The following DIP2C variants were observed in gnomAD, a reference collection of about 807,000 sequenced individuals.
The protein encoded by DIP2C is disco-interacting protein 2 homolog C.
DIP2C carries 33 observed loss-of-function variants against 192.4 expected under a neutral mutation model. That is an observed-to-expected ratio of 0.17 (90% CI 0.13 to 0.23). The LOEUF is 0.23. Ranked by LOEUF, DIP2C falls within the 10% of genes least tolerant of loss-of-function variation. The pLI is 1.00. For missense variants in DIP2C, 1,537 were observed against 2,110.1 expected (o/e 0.73, Z 5.32); for synonymous variants, 979 against 864.1 (o/e 1.13, Z -2.33).
chr10:362,273 C>T (rs1959631980), intron 22 of DIP2C, among the ~76,000 whole-genome samples: 2 of 152,182 alleles, frequency 1.3e-5, no homozygotes. Context: ...ACCACACTAA[C>T]ACCCCTGAGC....
intron 1 of DIP2C, among the ~76,000 whole-genome samples, chr10:584,160 TAA>T (rs902516600): frequency 6.6e-6 from 1 of 151,972 alleles, no homozygotes; most frequent in East Asian, 1.9e-4. Flanking sequence ...CCCACATAAC[TAA>T]AAACAAAACA....
At position 634,442 on chromosome 10, in the gene DIP2C, A is replaced by G. The variant is rs184483705; in HGVS notation, c.85+55052T>C. ...GAGAATGAGGTGGTTTCAGGTTGCT[A>G]TGCTTCCCTGCCCTCTCTTCCAGGG... On this transcript the variant is annotated intron_variant, in intron 1 of 36. Coordinates refer to ENST00000280886, the MANE Select transcript of DIP2C (RefSeq NM_014974.3). Among the ~76,000 whole-genome samples the G allele has an allele frequency of 2.6e-4, 39 of 152,322 alleles. 1 individual carries two copies. Among genetic ancestry groups the G allele is most frequent in the Admixed American group, 2.3e-3 (35 of 15,290 alleles).
intron 4 of DIP2C, among the ~76,000 whole-genome samples, chr10:440,453 A>G (rs1195238381): frequency 6.6e-6 from 1 of 152,226 alleles, no homozygotes; most frequent in Non-Finnish European, 1.5e-5. Context: ...AACTGCCTAA[A>G]TTGTCCAATT....
At position 427,575 on chromosome 10, in the gene DIP2C, A is replaced by G. The variant is rs571163090; in HGVS notation, c.395-4542T>C. Among the ~76,000 whole-genome samples, 7 of 71,580 alleles carry G rather than the reference A, an allele frequency of 9.8e-5. No homozygotes were observed. The South Asian group carries it at 5.3e-3, about 54-fold the overall frequency. 47.0% of individuals were successfully genotyped at this position (71,580 alleles called of 152,430 possible). A position where few individuals can be genotyped will look rare whatever the true frequency, so the allele number is the denominator to read the frequency against. On this transcript the variant is annotated intron_variant, in intron 4 of 36. Coordinates refer to ENST00000280886, the MANE Select transcript of DIP2C (RefSeq NM_014974.3). ...GATGACAACCAACCCATTTTAAAAC[A>G]TGGGCAAAAAATCTGGACATTTTAC... is the stretch of plus-strand genomic sequence containing the variant.
At chr10:400,284 A>C (rs1210777684) in intron 9 of DIP2C, among the ~76,000 whole-genome samples, 1 of 150,640 alleles carries the variant, frequency 6.6e-6, no homozygotes, top group Non-Finnish European at 1.5e-5. Context: ...TGGTCCCCGC[A>C]AAGTGTTGGG....
intron 1 of DIP2C, among the ~76,000 whole-genome samples, chr10:528,719 G>A (rs1688574521): frequency 6.6e-6 from 1 of 152,178 alleles, no homozygotes; most frequent in Non-Finnish European, 1.5e-5. Flanking sequence ...GTATCCTGTG[G>A]ATCCATACAA....
rs113393468 is a variant in DIP2C at position 390,389 on chromosome 10, C to G, written c.1385-16G>C. 2,383 of 1,609,974 alleles carry G rather than the reference C, an allele frequency of 1.5e-3. 30 individuals carry two copies. In the African/African-American group the frequency reaches 0.029, roughly 19 times the overall value. Reference sequence around the variant, plus strand: ...TTTGGCCAACCTTGGAAATAAACAACAAGTTCCTTTTAAATGTTACTCTGA... The same window carrying G: ...TTTGGCCAACCTTGGAAATAAACAAGAAGTTCCTTTTAAATGTTACTCTGA... On this transcript the variant is annotated splice_polypyrimidine_tract_variant and intron_variant, in intron 11 of 36. Coordinates refer to ENST00000280886, the MANE Select transcript of DIP2C (RefSeq NM_014974.3).
At chr10:332,722 TTGA>T in intron 29 of DIP2C, among the ~76,000 whole-genome samples, 1 of 152,304 alleles carries the variant, frequency 6.6e-6, no homozygotes, top group Middle Eastern at 3.4e-3. Flanking sequence ...CATTAGCAAT[TTGA>T]TGATTTCAGA....
At chr10:448,010 C>T (rs571813300) in intron 3 of DIP2C, among the ~76,000 whole-genome samples, 2 of 130,170 alleles carry the variant, frequency 1.5e-5, no homozygotes, top group Non-Finnish European at 3.1e-5. Context: ...CAGCAGGACC[C>T]GCTCACTCCC....
rs748693938 is a variant in DIP2C, at chr10:340,931, G to C, written c.3584+268C>G. 1.5e-4 allele frequency: 82 copies of C among 545,656 alleles called. 1 individual carries two copies. The highest frequency in any genetic ancestry group is 2.4e-5 in the Non-Finnish European group (7 of 285,730). 33.8% of individuals were successfully genotyped at this position (545,656 alleles called of 1,614,324 possible). On this transcript the variant is annotated intron_variant, in intron 29 of 36. Coordinates refer to ENST00000280886, the MANE Select transcript of DIP2C (RefSeq NM_014974.3). ...TAAGAACCAAGCCTGGAGCCTGGGA[G>C]TCTTCTGATTGTCAGAAATAAAGGT...
intron 1 of DIP2C, among the ~76,000 whole-genome samples, chr10:641,268 G>GT (rs957653978): frequency 1.1e-4 from 17 of 152,198 alleles, no homozygotes; most frequent in African/African-American, 2.4e-4. Context: ...CAAATGGGCA[G>GT]TTTTGGGGCC....
chr10:510,018 G>A (rs530072591), intron 1 of DIP2C, among the ~76,000 whole-genome samples: 19 of 152,310 alleles, frequency 1.2e-4, no homozygotes, highest in African/African-American at 1.7e-4. Flanking sequence ...GGTGCAGCGC[G>A]GCCTGCAGCA....
chr10:392,166 T>C (rs993890253), intron 10 of DIP2C, among the ~76,000 whole-genome samples: 2 of 152,132 alleles, frequency 1.3e-5, no homozygotes, highest in Non-Finnish European at 2.9e-5. Flanking sequence ...AACATCACAT[T>C]AGCAAACGTC....
rs1554847955 is a variant in DIP2C, at chr10:414,739, G to GTATA, written c.860-630_860-629insTATA. On this transcript the variant is annotated intron_variant, in intron 7 of 36. Coordinates refer to ENST00000280886, the MANE Select transcript of DIP2C (RefSeq NM_014974.3). ...TGTGTGTGTGTGTGTGTGTGTGTGT[G>GTATA]TACATATATATATATATAATGTGTA... is the stretch of plus-strand genomic sequence containing the variant. Among the ~76,000 whole-genome samples, 85 of 90,532 alleles carry GTATA rather than the reference G, an allele frequency of 9.4e-4. 4 individuals carry two copies. Among genetic ancestry groups the GTATA allele is most frequent in the African/African-American group, 3.1e-3 (69 of 22,232 alleles). The allele number at this position is 90,532 out of a possible 152,430, so 59.4% of individuals were successfully genotyped here. A position where few individuals can be genotyped will look rare whatever the true frequency, so the allele number is the denominator to read the frequency against.
chr10:498,627 G>T (rs1037464016), intron 1 of DIP2C, among the ~76,000 whole-genome samples: 10 of 152,146 alleles, frequency 6.6e-5, no homozygotes, highest in African/African-American at 2.4e-4. Flanking sequence ...TGAAGTTTCT[G>T]CCCATTCCTT....
At chr10:366,817 C>T (rs1444643817) in intron 18 of DIP2C, among the ~76,000 whole-genome samples, 2 of 152,190 alleles carry the variant, frequency 1.3e-5, no homozygotes, top group African/African-American at 4.8e-5. Flanking sequence ...TCTGAATCTT[C>T]GATTTCACAC....
intron 1 of DIP2C, among the ~76,000 whole-genome samples, chr10:556,510 T>C (rs963367542): frequency 4.0e-5 from 6 of 150,396 alleles, no homozygotes; most frequent in Non-Finnish European, 7.4e-5. Context: ...CCAGGACATT[T>C]TGGAGGTTCC....
intron 10 of DIP2C, among the ~76,000 whole-genome samples, chr10:395,230 A>G (rs909067750): frequency 2.0e-5 from 3 of 152,072 alleles, no homozygotes; most frequent in African/African-American, 7.2e-5. Flanking sequence ...GATCTATTGC[A>G]GAGCAGGGTA....
chr10:568,790 A>AAAC (rs1849603486), intron 1 of DIP2C, among the ~76,000 whole-genome samples: 1 of 140,820 alleles, frequency 7.1e-6, no homozygotes, highest in Non-Finnish European at 1.5e-5. Context: ...AAAAAAAAAA[A>AAAC]AAAAAAAACC....
Sources: gnomAD v4.1 joint callset for allele counts (sites outside exome capture counted in the v4.1 genomes callset) on GRCh38, gnomAD v4.1.1 for gene constraint, MANE v1.5 for transcripts, NCBI Gene and HGNC (gene_info 2026-07-23, HGNC 2026-07-21) for gene names.